RIGI: variants seen among roughly 807,000 people sequenced by gnomAD.
The protein encoded by RIGI is antiviral innate immune response receptor RIG-I.
the RIGI span, chr9:32,481,223 A>G: frequency 9.9e-7 from 1 of 1,006,016 alleles, no homozygotes; most frequent in Non-Finnish European, 1.4e-6. Flanking sequence ...CTTTCTGGAA[A>G]GGTTCCTAAG....
chr9:32,517,647 GTTATA>G, the RIGI span, among the ~76,000 whole-genome samples: 1 of 152,162 alleles, frequency 6.6e-6, no homozygotes, highest in Non-Finnish European at 1.5e-5. Flanking sequence ...TTGGCAGCAG[GTTATA>G]AAGCTATAAA....
chr9:32,478,586 G>T, the RIGI span, among the ~76,000 whole-genome samples: 1 of 152,094 alleles, frequency 6.6e-6, no homozygotes, highest in African/African-American at 2.4e-5. Context: ...TTGAGATAAG[G>T]ACTCACTCTA....
the RIGI span, chr9:32,477,220 T>C: frequency 6.8e-7 from 1 of 1,473,794 alleles, no homozygotes; most frequent in South Asian, 1.3e-5. Flanking sequence ...AAACAGCTGA[T>C]CTCTAAATCT....
the RIGI span, among the ~76,000 whole-genome samples, chr9:32,491,715 A>G: frequency 1.7e-4 from 1 of 6,044 alleles, no homozygotes; most frequent in Non-Finnish European, 5.3e-4. Context: ...GTATGCACCA[A>G]AAAAAAAAAA....
chr9:32,525,701 G>A, the RIGI span, among the ~76,000 whole-genome samples: 2 of 152,168 alleles, frequency 1.3e-5, no homozygotes, highest in African/African-American at 4.8e-5. Context: ...GGACTGTAAT[G>A]TATACTAAGG....
chr9:32,459,232 T>A, the RIGI span: 5 of 1,106,512 alleles, frequency 4.5e-6, no homozygotes, highest in East Asian at 1.3e-4. Flanking sequence ...TTTTTTCACT[T>A]CTTAGCTTTT....
At chr9:32,498,643 A>G in the RIGI span, among the ~76,000 whole-genome samples, 2 of 152,218 alleles carry the variant, frequency 1.3e-5, no homozygotes, top group South Asian at 4.1e-4. Context: ...AATAAAGAGT[A>G]TAACAAGAAA....
chr9:32,471,554 G>A, the RIGI span, among the ~76,000 whole-genome samples: 1 of 152,226 alleles, frequency 6.6e-6, no homozygotes, highest in African/African-American at 2.4e-5. Flanking sequence ...CTATAATTGA[G>A]TATGATGAGC....
At chr9:32,502,981 G>C in the RIGI span, among the ~76,000 whole-genome samples, 1 of 152,114 alleles carries the variant, frequency 6.6e-6, no homozygotes, top group Admixed American at 6.5e-5. Context: ...TGAAGTACTG[G>C]GGTTTAGGAC....
At chr9:32,485,465 T>C in the RIGI span, 1 of 642,202 alleles carries the variant, frequency 1.6e-6, no homozygotes, top group Non-Finnish European at 2.8e-6. Flanking sequence ...CAAAATGCAA[T>C]GGCTCCCTGT....
At chr9:32,475,234 G>A in the RIGI span, among the ~76,000 whole-genome samples, 737 of 152,220 alleles carry the variant, frequency 4.8e-3, 4 homozygotes, top group African/African-American at 0.017. Flanking sequence ...TTACAGGTGT[G>A]AGCCACCATG....
chr9:32,458,488 A>G, the RIGI span, among the ~76,000 whole-genome samples: 2 of 152,218 alleles, frequency 1.3e-5, no homozygotes, highest in African/African-American at 4.8e-5. Flanking sequence ...TTCTCTTGAC[A>G]ATGACAATGA....
At chr9:32,489,525 G>GC in the RIGI span, 3 of 839,292 alleles carry the variant, frequency 3.6e-6, no homozygotes, top group Admixed American at 2.5e-5. Context: ...ACAGTCTAAT[G>GC]TCCACAAATT....
At chr9:32,518,181 G>A in the RIGI span, among the ~76,000 whole-genome samples, 3 of 152,052 alleles carry the variant, frequency 2.0e-5, no homozygotes, top group African/African-American at 4.8e-5. Flanking sequence ...TAACTCAGAA[G>A]TTATCTAAAG....
chr9:32,482,701 A>T, the RIGI span, among the ~76,000 whole-genome samples: 2 of 152,090 alleles, frequency 1.3e-5, no homozygotes, highest in African/African-American at 2.4e-5. Flanking sequence ...TCTACTAAAA[A>T]TACAAAAATT....
chr9:32,485,453 C>T, the RIGI span: 1 of 649,266 alleles, frequency 1.5e-6, no homozygotes, highest in Non-Finnish European at 2.7e-6. Context: ...ACAACAAATG[C>T]TCAAAATGCA....
the RIGI span, among the ~76,000 whole-genome samples, chr9:32,455,420 G>C: frequency 6.6e-6 from 1 of 152,038 alleles, no homozygotes; most frequent in African/African-American, 2.4e-5. Context: ...CAGCAGATGA[G>C]AGAGAGAGTG....
chr9:32,489,452 C>T, the RIGI span: 1 of 1,605,314 alleles, frequency 6.2e-7, no homozygotes, highest in Admixed American at 1.7e-5. Flanking sequence ...TCAGACACTT[C>T]TGGAATACAA....
the RIGI span, among the ~76,000 whole-genome samples, chr9:32,524,737 G>C: frequency 2.0e-5 from 3 of 150,960 alleles, no homozygotes; most frequent in South Asian, 4.2e-4. Flanking sequence ...TGAGTAGCTG[G>C]GACTACAGGA....
Sources: allele counts gnomAD v4.1 joint callset (sites outside exome capture counted in the v4.1 genomes callset), GRCh38; gene constraint gnomAD v4.1.1; transcripts MANE v1.5; gene names NCBI Gene and HGNC (gene_info 2026-07-23, HGNC 2026-07-21).